Variants in FNBP1 observed in about 807,000 individuals in gnomAD.
FNBP1 encodes formin-binding protein 1.
FNBP1 carries 26 observed loss-of-function variants against 90.6 expected under a neutral mutation model. That is an observed-to-expected ratio of 0.29 (90% confidence interval 0.21 to 0.40). FNBP1 has a LOEUF of 0.40. FNBP1 is among the 10% of genes least tolerant of loss of function. FNBP1 has a pLI of 1.00. For synonymous variants in FNBP1, 260 were observed against 265.2 expected, an observed-to-expected ratio of 0.98 and a Z score of 0.19; for missense variants, 635 against 768.0, an observed-to-expected ratio of 0.83 and a Z score of 2.05.
chr9:130,016,906 G>T (rs745752254), intron 1 of FNBP1, among the ~76,000 whole-genome samples: 1 of 152,136 alleles, frequency 6.6e-6, no homozygotes, highest in Non-Finnish European at 1.5e-5. Flanking sequence ...AGGTGCTGGG[G>T]ATGTAACTGT....
chr9:130,048,905 C>A, the FNBP1 span, among the ~76,000 whole-genome samples: 1 of 151,632 alleles, frequency 6.6e-6, no homozygotes, highest in Admixed American at 6.6e-5. Flanking sequence ...CTCAGCCTCC[C>A]GAGTAGCTGG....
At chr9:130,018,003 T>C (rs1025221277) in intron 1 of FNBP1, among the ~76,000 whole-genome samples, 1 of 142,756 alleles carries the variant, frequency 7.0e-6, no homozygotes, top group Non-Finnish European at 1.5e-5. Flanking sequence ...AAGCTCTGCC[T>C]CCTGGGTTCA....
intron 8 of FNBP1, among the ~76,000 whole-genome samples, chr9:129,926,891 G>GA (rs796179806): frequency 1.8e-3 from 161 of 88,514 alleles, no homozygotes; most frequent in South Asian, 0.014. Flanking sequence ...ATCTCAAAAA[G>GA]AAAAAAAAAA....
At chr9:130,037,308 C>T (rs995196326) in intron 1 of FNBP1, among the ~76,000 whole-genome samples, 1 of 151,872 alleles carries the variant, frequency 6.6e-6, no homozygotes, top group East Asian at 1.9e-4. Context: ...GAGCTGAGAT[C>T]GCGCCACTGC....
At chr9:129,940,373 TAC>T (rs1191334638) in intron 6 of FNBP1, among the ~76,000 whole-genome samples, 2 of 152,056 alleles carry the variant, frequency 1.3e-5, no homozygotes, top group East Asian at 1.9e-4. Flanking sequence ...AAATAAAAAA[TAC>T]AGTCATTGAA....
Position 129,890,370 on chromosome 9 carries a change from G to C in FNBP1, c.*169C>G, listed in dbSNP as rs558390436. 14 of 623,976 alleles carry C rather than the reference G, an allele frequency of 2.2e-5. No individual in the cohort carries two copies. The Admixed American group carries it at 2.6e-4, about 11-fold the overall frequency. The allele number at this position is 623,976 out of a possible 1,614,324, so 38.7% of individuals were successfully genotyped here. A position where few individuals can be genotyped will look rare whatever the true frequency, so the allele number is the denominator to read the frequency against. On this transcript the variant is annotated 3_prime_UTR_variant, in exon 17 of 17. Coordinates refer to ENST00000446176, the MANE Select transcript of FNBP1 (RefSeq NM_015033.3). This position sits in a 1 kb window ranked among gnomAD's most constrained non-coding sequence, Gnocchi z 5.8. ...CCCCACGAGGTGGCCCGGGCTGGGC[G>C]GGAGGGCAGGGCCGCAGGGAGCATG...
intron 1 of FNBP1, among the ~76,000 whole-genome samples, chr9:130,006,664 C>T (rs1199857805): frequency 5.9e-5 from 9 of 151,702 alleles, no homozygotes; most frequent in Admixed American, 4.6e-4. Flanking sequence ...AGGAAGACTT[C>T]GTCTCAAATA....
At chr9:129,984,739 G>C (rs1250100331) in intron 2 of FNBP1, among the ~76,000 whole-genome samples, 1 of 152,028 alleles carries the variant, frequency 6.6e-6, no homozygotes, top group South Asian at 2.1e-4. Context: ...TCATGGGGGG[G>C]GCCGGTCTTT....
At chr9:129,892,254 CAG>C (rs2035172143) in intron 16 of FNBP1, among the ~76,000 whole-genome samples, 1 of 151,944 alleles carries the variant, frequency 6.6e-6, no homozygotes, top group African/African-American at 2.4e-5. Flanking sequence ...AAATATTTAA[CAG>C]AGAGCAATCG....
chr9:129,966,559 T>A lies in FNBP1; in HGVS notation c.346-8006A>T, dbSNP rs554392244. 5.3e-4 allele frequency among the ~76,000 whole-genome samples: 81 copies of A among 151,986 alleles called. No individual in the cohort carries two copies. Among genetic ancestry groups the A allele is most frequent in the African/African-American group, 1.8e-3 (74 of 41,434 alleles). ...GCCTGGCCAACATGATGAAATGCCG[T>A]CTCTACTAAAAATACAAAAAAAATT... On this transcript the variant is annotated intron_variant, in intron 4 of 16. Transcript: ENST00000446176. The surrounding 1 kb of genome is among the most constrained non-coding windows in gnomAD (Gnocchi z 4.3).
chr9:129,920,364 TG>T (rs1169036496), intron 10 of FNBP1, among the ~76,000 whole-genome samples: 1 of 152,132 alleles, frequency 6.6e-6, no homozygotes, highest in Admixed American at 6.6e-5. Context: ...TGCAGTGGCA[TG>T]ATCTCGGCTC....
At chr9:129,963,634 T>TA (rs35165248) in intron 4 of FNBP1, among the ~76,000 whole-genome samples, 2,033 of 107,676 alleles carry the variant, frequency 0.019, 128 homozygotes, top group African/African-American at 0.051. Context: ...TTTTTTTTTT[T>TA]AAAAAAACAA....
intron 4 of FNBP1, among the ~76,000 whole-genome samples, chr9:129,974,520 A>G (rs1387189583): frequency 1.3e-5 from 2 of 152,250 alleles, no homozygotes; most frequent in Non-Finnish European, 2.9e-5. Context: ...CATAATGCTA[A>G]TTCATCATTT....
intron 4 of FNBP1, 147 bp downstream of exon 4, chr9:129,978,318 T>A (rs908810398): frequency 1.4e-6 from 1 of 698,138 alleles, no homozygotes; most frequent in Non-Finnish European, 2.3e-6. Context: ...CGTGCCCAGC[T>A]GGGGTCCATA....
chr9:129,948,782 C>A (rs141987628), intron 6 of FNBP1, among the ~76,000 whole-genome samples: 4,472 of 152,090 alleles, frequency 0.029, 218 homozygotes, highest in African/African-American at 0.1. Flanking sequence ...CTCAAGTGAT[C>A]CGCCAGCCTC....
At position 129,994,867 on chromosome 9, in the gene FNBP1, T is replaced by C; in HGVS notation, c.116A>G (p.Glu39Gly). The change falls in exon 2 of 17, where the codon GAA becomes GGA. Residue 39 changes from glutamate (E) to glycine (G), a missense_variant. Transcript: ENST00000446176. The part of the protein sequence containing the change: ...IKFVKERTEI[E>G]LSYAKQLRNL... ...CCTGAGTTGCTTTGCATAGCTGAGT[T>C]CAATCTCTGTCCTTTCTTTCACAAA... is the stretch of plus-strand genomic sequence containing the variant. 6.3e-7 allele frequency: 1 copy of C among 1,597,564 alleles called. No individual in the cohort carries two copies.
At chr9:130,016,687 G>A in intron 1 of FNBP1, among the ~76,000 whole-genome samples, 1 of 152,140 alleles carries the variant, frequency 6.6e-6, no homozygotes, top group Non-Finnish European at 1.5e-5. Context: ...AGGTTGCGGT[G>A]AGCCAAGATC....
Position 129,966,480 on chromosome 9 carries a change from G to C in FNBP1, c.346-7927C>G, listed in dbSNP as rs933016579. 6.6e-6 allele frequency among the ~76,000 whole-genome samples: 1 copy of C among 152,178 alleles called. No individual in the cohort carries two copies. Among genetic ancestry groups the C allele is most frequent in the Non-Finnish European group, 1.5e-5 (1 of 68,030 alleles). ...GCAGTGGCTCACGCCTGTAATCCCA[G>C]CACTTTGGGAGGTCGAGATGGGCGG... On this transcript the variant is annotated intron_variant, in intron 4 of 16. Transcript: ENST00000446176. The surrounding 1 kb of genome is among the most constrained non-coding windows in gnomAD (Gnocchi z 4.3).
intron 12 of FNBP1, among the ~76,000 whole-genome samples, chr9:129,908,459 C>T (rs2131525280): frequency 6.6e-6 from 1 of 151,656 alleles, no homozygotes; most frequent in East Asian, 1.9e-4. Flanking sequence ...CCTGCCTCAG[C>T]CTCCCAAAGT....
Sources: allele counts gnomAD v4.1 joint callset (sites outside exome capture counted in the v4.1 genomes callset), GRCh38; gene constraint gnomAD v4.1.1; non-coding constraint Gnocchi (gnomAD v3.1); transcripts MANE v1.5; gene names NCBI Gene and HGNC (gene_info 2026-07-23, HGNC 2026-07-21).